The following CACNA2D2 variants were observed in gnomAD, a reference collection of about 807,000 sequenced individuals.
The protein encoded by CACNA2D2 is voltage-dependent calcium channel subunit alpha-2/delta-2.
Under a neutral mutation model 166.4 loss-of-function variants are expected in CACNA2D2, and 48 were observed. The observed-to-expected ratio is 0.29, with a 90% CI of 0.23 to 0.37. The LOEUF is 0.37. Among genes scored for constraint, CACNA2D2 ranks in the 10% least tolerant of loss-of-function variants. The probability of loss-of-function intolerance (pLI) is 1.00; values close to 1 mark genes in which losing one functional copy is unlikely to be tolerated. For missense variants in CACNA2D2, 1,122 were observed against 1,433.0 expected, an observed-to-expected ratio of 0.78 and a Z score of 3.50; for synonymous variants, 561 against 573.7, an observed-to-expected ratio of 0.98 and a Z score of 0.32.
Position 50,364,392 on chromosome 3 carries a change from G to T in CACNA2D2, c.*274C>A. The T allele has an allele frequency of 2.2e-6, 1 of 462,312 alleles. No individual in the cohort carries two copies. Among genetic ancestry groups the T allele is most frequent in the South Asian group, 4.2e-5 (1 of 23,810 alleles). The allele number at this position is 462,312 out of a possible 1,614,324, so 28.6% of individuals were successfully genotyped here. On this transcript the variant is annotated 3_prime_UTR_variant, in exon 38 of 38. Transcript: ENST00000424201. ...TGGCACCAGTGCGTGTGGCCTCCCT[G>T]TCCCATCCCACTGGGGGGAGCCCAG...
chr3:50,451,351 C>G lies in CACNA2D2; in HGVS notation c.289-16922G>C, dbSNP rs147972006. Among the ~76,000 whole-genome samples, 463 of 152,234 alleles carry G rather than the reference C, an allele frequency of 3.0e-3. 2 individuals carry two copies. Among genetic ancestry groups the G allele is most frequent in the African/African-American group, 0.011 (450 of 41,536 alleles). ...ATATTGGCCAGGCTGGTCTTGAACT[C>G]CTGACCTCAGGTGATCTGCCCACCT... On this transcript the variant is annotated intron_variant, in intron 2 of 37. Coordinates refer to ENST00000424201, the MANE Select transcript of CACNA2D2 (RefSeq NM_006030.4).
intron 2 of CACNA2D2, among the ~76,000 whole-genome samples, chr3:50,441,196 C>T (rs1231183582): frequency 9.2e-5 from 14 of 152,036 alleles, no homozygotes; most frequent in Admixed American, 7.9e-4. Flanking sequence ...TGTGGTCCCT[C>T]GTCCTCAAGA....
chr3:50,482,421 G>A (rs920000444), intron 1 of CACNA2D2, among the ~76,000 whole-genome samples: 6 of 152,210 alleles, frequency 3.9e-5, no homozygotes, highest in African/African-American at 1.2e-4. Flanking sequence ...CCTGGCTTTT[G>A]CAAGACCTTG....
intron 1 of CACNA2D2, among the ~76,000 whole-genome samples, chr3:50,498,640 T>C (rs1406266617): frequency 2.6e-5 from 4 of 152,156 alleles, no homozygotes; most frequent in African/African-American, 9.7e-5. Flanking sequence ...CTATAAGCAC[T>C]GGGGCTGGCA....
At chr3:50,440,901 T>A (rs960416164) in intron 2 of CACNA2D2, among the ~76,000 whole-genome samples, 1 of 152,094 alleles carries the variant, frequency 6.6e-6, no homozygotes, top group Non-Finnish European at 1.5e-5. Context: ...TGGGGAGGGC[T>A]TTCCAGGGGA....
intron 1 of CACNA2D2, among the ~76,000 whole-genome samples, chr3:50,489,811 G>A (rs956154261): frequency 1.3e-5 from 2 of 152,224 alleles, no homozygotes; most frequent in African/African-American, 2.4e-5. Flanking sequence ...GGAATGGCAG[G>A]GGAGCCTGGG....
At chr3:50,377,909 G>T (rs1420425575) in intron 15 of CACNA2D2, 99 bp downstream of exon 15, 19 of 1,491,552 alleles carry the variant, frequency 1.3e-5, no homozygotes, top group Middle Eastern at 1.7e-4. Context: ...TCCTGTGCTT[G>T]GTTTACCCCA....
intron 1 of CACNA2D2, among the ~76,000 whole-genome samples, chr3:50,478,318 C>A (rs1006213090): frequency 6.6e-6 from 1 of 152,168 alleles, no homozygotes; most frequent in Non-Finnish European, 1.5e-5. Flanking sequence ...GACAACATAG[C>A]GGATGGCTCC....
intron 6 of CACNA2D2, among the ~76,000 whole-genome samples, chr3:50,382,979 T>A (rs1323350736): frequency 6.6e-6 from 1 of 152,218 alleles, no homozygotes; most frequent in Non-Finnish European, 1.5e-5. Flanking sequence ...CACAGACCCG[T>A]ACCCACCTGC....
intron 3 of CACNA2D2, among the ~76,000 whole-genome samples, chr3:50,395,513 G>A (rs1274380914): frequency 2.0e-5 from 3 of 152,150 alleles, no homozygotes; most frequent in African/African-American, 7.2e-5. Flanking sequence ...CCACCTCCGG[G>A]CTTACAGCCC....
intron 3 of CACNA2D2, among the ~76,000 whole-genome samples, chr3:50,400,987 T>C (rs774770531): frequency 2.0e-5 from 3 of 152,236 alleles, no homozygotes; most frequent in Non-Finnish European, 2.9e-5. Context: ...TGGCACATCG[T>C]AAGGTTCAAA....
intron 22 of CACNA2D2, 47 bp downstream of exon 22, chr3:50,374,690 G>A (rs1452906082): frequency 1.7e-5 from 26 of 1,556,310 alleles, no homozygotes; most frequent in African/African-American, 4.1e-5. Flanking sequence ...GCCAGGGTGC[G>A]GGGCAGAGGC....
At chr3:50,390,214 A>G (rs2106713996) in intron 4 of CACNA2D2, among the ~76,000 whole-genome samples, 1 of 152,268 alleles carries the variant, frequency 6.6e-6, no homozygotes, top group Non-Finnish European at 1.5e-5. Context: ...GCAGTGAGTG[A>G]AGACTGAGGC....
At position 50,380,664 on chromosome 3, in the gene CACNA2D2, T is replaced by G. The variant is rs1705253962; in HGVS notation, c.842+84A>C. Reference sequence around the variant, plus strand: ...AGCTGGCTGCGCCCTGCTAGGAGGCTTGGAAATGGGGAGGGAGGGGAGCAG... The same window carrying G: ...AGCTGGCTGCGCCCTGCTAGGAGGCGTGGAAATGGGGAGGGAGGGGAGCAG... On this transcript the variant is annotated intron_variant, in intron 8 of 37. Transcript: ENST00000424201. This position sits in a 1 kb window ranked among gnomAD's most constrained non-coding sequence, Gnocchi z 4.9. The G allele has an allele frequency of 1.0e-5, 12 of 1,150,672 alleles. No individual in the cohort carries two copies. The highest frequency in any genetic ancestry group is 2.0e-4 in the Middle Eastern group (1 of 4,952). 71.3% of individuals were successfully genotyped at this position (1,150,672 alleles called of 1,614,324 possible). A position where few individuals can be genotyped will look rare whatever the true frequency, so the allele number is the denominator to read the frequency against.
rs1319195919 is a variant in CACNA2D2 at position 50,503,298 on chromosome 3, G to A, written c.126C>T (p.Arg42=). The A allele has an allele frequency of 1.3e-5, 13 of 1,022,958 alleles. No homozygotes were observed. The highest frequency in any genetic ancestry group is 1.7e-5 in the African/African-American group (1 of 59,172). The allele number at this position is 1,022,958 out of a possible 1,614,324, so 63.4% of individuals were successfully genotyped here. A position where few individuals can be genotyped will look rare whatever the true frequency, so the allele number is the denominator to read the frequency against. The stretch of plus-strand genomic sequence containing the variant: ...GAAGCGGCAGCAGCAGCCACAGCGG[G>A]CGCGGGGGCCCGGACGTCGGGCGCC... The part of the protein sequence containing the change: ...GTRRPTSGPP[R]PLWLLLPLLP... Residue 42 remains arginine (R), a synonymous_variant, in exon 1 of 38, where the codon CGC becomes CGT. Coordinates refer to ENST00000424201, the MANE Select transcript of CACNA2D2 (RefSeq NM_006030.4).
chr3:50,462,387 AAATAAT>A (rs55797246), intron 2 of CACNA2D2, among the ~76,000 whole-genome samples: 3,366 of 137,564 alleles, frequency 0.024, 68 homozygotes, highest in East Asian at 0.064. Flanking sequence ...GACTGTCTCA[AAATAAT>A]AATAATAATA....
chr3:50,383,141 C>T (rs1171675697), intron 6 of CACNA2D2, among the ~76,000 whole-genome samples: 1 of 152,174 alleles, frequency 6.6e-6, no homozygotes, highest in Non-Finnish European at 1.5e-5. Flanking sequence ...GGCGGTGTGG[C>T]TCCTGTTTTA....
chr3:50,391,243 C>T (rs1356794692), intron 4 of CACNA2D2, among the ~76,000 whole-genome samples: 1 of 152,238 alleles, frequency 6.6e-6, no homozygotes, highest in Non-Finnish European at 1.5e-5. Context: ...CAGGGGAGGG[C>T]TGTCTCTTCC....
intron 6 of CACNA2D2, among the ~76,000 whole-genome samples, chr3:50,383,206 C>T (rs1052627828): frequency 1.3e-5 from 2 of 152,172 alleles, no homozygotes; most frequent in Non-Finnish European, 2.9e-5. Flanking sequence ...AGGTGGCCTG[C>T]GGGCAGCCTG....
Sources: allele counts gnomAD v4.1 joint callset (sites outside exome capture counted in the v4.1 genomes callset), GRCh38; gene constraint gnomAD v4.1.1; non-coding constraint Gnocchi (gnomAD v3.1); transcripts MANE v1.5; gene names NCBI Gene and HGNC (gene_info 2026-07-23, HGNC 2026-07-21).